Variants in FGF13 observed in about 807,000 individuals in gnomAD.
FGF13 encodes fibroblast growth factor homologous factor 2.
In FGF13, 2 loss-of-function variants were observed where a neutral mutation model predicts 19.5. The ratio of observed to expected loss-of-function variants is 0.10; its 90% CI spans 0.04 to 0.32. The LOEUF (loss-of-function observed/expected upper bound fraction) is 0.32. FGF13 is among the 10% of genes least tolerant of loss of function. The pLI, the probability that FGF13 is intolerant of heterozygous loss-of-function variation, is 1.00. For missense variants in FGF13, 113 were observed against 192.7 expected, an observed-to-expected ratio of 0.59 and a Z score of 2.45; for synonymous variants, 72 against 76.9, an observed-to-expected ratio of 0.94 and a Z score of 0.33.
chrX:138,669,486 TG>T (rs1259254188), intron 3 of FGF13, among the ~76,000 whole-genome samples: 5 of 111,506 alleles, frequency 4.5e-5, no homozygotes, highest in Non-Finnish European at 9.4e-5. Context: ...CTGTGCCTGA[TG>T]CTAAACCCAG....
chrX:138,657,075 T>A lies in FGF13; in HGVS notation c.403-21420A>T, dbSNP rs757008838. Among the ~76,000 whole-genome samples, 4 of 111,671 alleles carry A rather than the reference T, an allele frequency of 3.6e-5. No homozygotes were observed. In the South Asian group the frequency reaches 1.5e-3, roughly 42 times the overall value. On this transcript the variant is annotated intron_variant, in intron 3 of 4. Transcript: ENST00000315930. ...TAGATCACCCCTGTGCACTCTGAGC[T>A]CAATTATCAATTATTGGTAAAATGA...
At position 138,620,627 on chromosome X, in the gene FGF13, T is replaced by C. The variant is rs1477965818; in HGVS notation, c.*12223A>G. ...TTTAACAAAGTAGCAATAGTATGTC[T>C]TTACCTATAAATAATTAATTTTAAT... On this transcript the variant is annotated 3_prime_UTR_variant, in exon 5 of 5. Coordinates refer to ENST00000315930, the MANE Select transcript of FGF13 (RefSeq NM_004114.5). The C allele has an allele frequency of 8.9e-6, 1 of 111,852 alleles. No homozygotes were observed. The highest frequency in any genetic ancestry group is 3.7e-4 in the South Asian group (1 of 2,687). 9.2% of individuals were successfully genotyped at this position (111,852 alleles called of 1,213,427 possible).
At chrX:138,698,141 T>C (rs781052648) in intron 3 of FGF13, among the ~76,000 whole-genome samples, 2 of 108,353 alleles carry the variant, frequency 1.8e-5, no homozygotes, top group South Asian at 8.1e-4. Flanking sequence ...CTGTCCCCCA[T>C]GGCAACAAGA....
At chrX:138,682,596 G>A (rs1286792075) in intron 3 of FGF13, among the ~76,000 whole-genome samples, 1 of 111,807 alleles carries the variant, frequency 8.9e-6, no homozygotes, top group African/African-American at 3.3e-5. Flanking sequence ...TTACTCCCTC[G>A]GATGGTAATT....
chrX:138,721,467 A>C (rs2090147044), intron 1 of FGF13, among the ~76,000 whole-genome samples: 1 of 111,635 alleles, frequency 9.0e-6, no homozygotes, highest in South Asian at 3.7e-4. Flanking sequence ...AATTCTGGAA[A>C]TTTAGCTATC....
At chrX:139,039,465 C>T (rs1335820526) in intron 1 of FGF13, among the ~76,000 whole-genome samples, 2 of 111,649 alleles carry the variant, frequency 1.8e-5, no homozygotes, top group African/African-American at 3.3e-5. Context: ...AAGAGAAATT[C>T]GTAGGCTTGT....
At chrX:138,763,472 G>A (rs184252990) in intron 3 of FGF13, among the ~76,000 whole-genome samples, 18 of 112,010 alleles carry the variant, frequency 1.6e-4, no homozygotes, top group East Asian at 1.1e-3. Flanking sequence ...GCACAAAAGC[G>A]TGGCTTGTTG....
At chrX:138,899,470 C>T (rs2091520945) in intron 1 of FGF13, among the ~76,000 whole-genome samples, 1 of 111,063 alleles carries the variant, frequency 9.0e-6, no homozygotes, top group African/African-American at 3.3e-5. Flanking sequence ...CACAAAAAGC[C>T]AGCCATATCG....
At chrX:139,089,707 A>T (rs1306207440) in intron 1 of FGF13, among the ~76,000 whole-genome samples, 1 of 112,363 alleles carries the variant, frequency 8.9e-6, no homozygotes, top group Non-Finnish European at 1.9e-5. Context: ...AATGAAGATA[A>T]TAATAGTACT....
chrX:138,966,369 C>T (rs2091895156), intron 1 of FGF13, among the ~76,000 whole-genome samples: 2 of 112,343 alleles, frequency 1.8e-5, no homozygotes, highest in South Asian at 7.4e-4. Flanking sequence ...AGGGACAGAG[C>T]TGCCCAAGGA....
chrX:138,719,292 A>G (rs1006922415), intron 1 of FGF13, among the ~76,000 whole-genome samples: 2 of 112,201 alleles, frequency 1.8e-5, no homozygotes, highest in Non-Finnish European at 3.8e-5. Flanking sequence ...TAAAAATAAT[A>G]CATATGATCT....
At chrX:138,766,207 A>G (rs189908193) in intron 3 of FGF13, among the ~76,000 whole-genome samples, 1 of 112,424 alleles carries the variant, frequency 8.9e-6, no homozygotes, top group East Asian at 2.8e-4. Context: ...AGAGCTCACC[A>G]TTGAGTTTGG....
chrX:139,185,610 T>C (rs899431118), intron 1 of FGF13, among the ~76,000 whole-genome samples: 51 of 111,617 alleles, frequency 4.6e-4, no homozygotes, highest in African/African-American at 1.7e-3. Flanking sequence ...CCACTGAAGC[T>C]GGTGTGGGGT....
intron 1 of FGF13, among the ~76,000 whole-genome samples, chrX:139,003,861 C>A (rs2092086875): frequency 1.8e-5 from 2 of 111,915 alleles, no homozygotes; most frequent in Admixed American, 1.9e-4. Context: ...ACTCACAAAC[C>A]TTGAGCTAAA....
chrX:138,816,676 A>G (rs2090963768), intron 3 of FGF13, among the ~76,000 whole-genome samples: 1 of 112,746 alleles, frequency 8.9e-6, no homozygotes, highest in African/African-American at 3.2e-5. Flanking sequence ...CCCATGGCCC[A>G]TGGGCCGCAT....
intron 1 of FGF13, among the ~76,000 whole-genome samples, chrX:138,901,145 C>A (rs199928484): frequency 7.1e-5 from 8 of 112,149 alleles, no homozygotes; most frequent in Non-Finnish European, 1.5e-4. Context: ...GGGATGTGGT[C>A]TGTGCACTGC....
rs143937237 is a variant in FGF13 at position 138,636,632 on chromosome X, T to C, written c.403-977A>G. Among the ~76,000 whole-genome samples, 4 of 112,029 alleles carry C rather than the reference T, an allele frequency of 3.6e-5. No homozygotes were observed. In the Admixed American group the frequency reaches 3.8e-4, roughly 11 times the overall value. On this transcript the variant is annotated intron_variant, in intron 3 of 4. Coordinates refer to ENST00000315930, the MANE Select transcript of FGF13 (RefSeq NM_004114.5). Reference sequence around the variant, plus strand: ...TCCATAGAGTAGCAAAGGGCCTACTTGGAGTGGAAGATTATTAGGAAAATG... The same window carrying C: ...TCCATAGAGTAGCAAAGGGCCTACTCGGAGTGGAAGATTATTAGGAAAATG...
chrX:139,066,040 A>G (rs2092355213), intron 1 of FGF13, among the ~76,000 whole-genome samples: 2 of 111,878 alleles, frequency 1.8e-5, no homozygotes, highest in South Asian at 3.7e-4. Flanking sequence ...ACACAACTAC[A>G]TGGAAACTGA....
chrX:139,127,711 T>A (rs2042282954), intron 1 of FGF13, among the ~76,000 whole-genome samples: 1 of 111,607 alleles, frequency 9.0e-6, no homozygotes, highest in Non-Finnish European at 1.9e-5. Flanking sequence ...CAAATACCCC[T>A]TAACTTATTT....
Sources: gnomAD v4.1 joint callset for allele counts (sites outside exome capture counted in the v4.1 genomes callset) on GRCh38, gnomAD v4.1.1 for gene constraint, MANE v1.5 for transcripts, NCBI Gene and HGNC (gene_info 2026-07-23, HGNC 2026-07-21) for gene names.